SGCG: variants seen among roughly 807,000 people sequenced by gnomAD.
The protein encoded by SGCG is gamma-sarcoglycan.
A neutral mutation model predicts 29.3 loss-of-function variants in SGCG; 26 were observed. That is an observed-to-expected ratio of 0.89 (90% CI 0.65 to 1.23). The LOEUF (loss-of-function observed/expected upper bound fraction) is 1.23, where lower values mean the gene tolerates loss of function less well. Among genes scored for constraint, SGCG ranks in the 50% most tolerant of loss-of-function variants. SGCG has a pLI of 0.00. For synonymous variants in SGCG, 145 were observed against 129.7 expected (o/e 1.12, Z -0.80); for missense variants, 353 against 356.0 (o/e 0.99, Z 0.07).
At chr13:23,218,310 T>C (rs115653120) in intron 2 of SGCG, among the ~76,000 whole-genome samples, 3,278 of 152,288 alleles carry the variant, frequency 0.022, 114 homozygotes, top group African/African-American at 0.074. Flanking sequence ...GGAAGATATA[T>C]GTAAGTTCTT....
chr13:23,205,214 A>G (rs1428104148), intron 2 of SGCG, among the ~76,000 whole-genome samples: 1 of 152,234 alleles, frequency 6.6e-6, no homozygotes, highest in Non-Finnish European at 1.5e-5. Context: ...CCACTGGACA[A>G]TGTTACTTCA....
At chr13:23,199,730 C>T (rs369008533) in intron 1 of SGCG, among the ~76,000 whole-genome samples, 4 of 146,802 alleles carry the variant, frequency 2.7e-5, no homozygotes, top group African/African-American at 9.9e-5. Context: ...AAAAGAATTA[C>T]AGCTGGCAAA....
intron 2 of SGCG, among the ~76,000 whole-genome samples, chr13:23,223,012 C>T (rs1878731291): frequency 6.6e-6 from 1 of 152,090 alleles, no homozygotes; most frequent in Non-Finnish European, 1.5e-5. Flanking sequence ...GGCACAGTGG[C>T]TCACGCCTGT....
intron 5 of SGCG, among the ~76,000 whole-genome samples, chr13:23,292,944 A>T (rs1230561709): frequency 2.6e-5 from 4 of 152,210 alleles, no homozygotes; most frequent in Non-Finnish European, 5.9e-5. Context: ...CAGAAGAAGC[A>T]AGGAGGAAAG....
chr13:23,162,213 T>C, the SGCG span, among the ~76,000 whole-genome samples: 1 of 152,256 alleles, frequency 6.6e-6, no homozygotes, highest in South Asian at 2.1e-4. Flanking sequence ...TATTTAAATA[T>C]GTATACACAT....
At chr13:23,161,932 T>C in the SGCG span, among the ~76,000 whole-genome samples, 1 of 152,264 alleles carries the variant, frequency 6.6e-6, no homozygotes, top group Non-Finnish European at 1.5e-5. Context: ...TGGCCTCACA[T>C]GTGCCACGAC....
At chr13:23,186,398 G>A (rs891293537) in intron 1 of SGCG, among the ~76,000 whole-genome samples, 2 of 152,178 alleles carry the variant, frequency 1.3e-5, no homozygotes, top group African/African-American at 2.4e-5. Context: ...GAGGTGAAGC[G>A]ATTGCAGCAG....
intron 6 of SGCG, among the ~76,000 whole-genome samples, chr13:23,297,991 C>T (rs1009180444): frequency 5.9e-5 from 9 of 151,820 alleles, no homozygotes; most frequent in African/African-American, 1.7e-4. Context: ...GTGATCTGCT[C>T]ACCTTGGCCT....
chr13:23,310,836 C>T (rs954959065), intron 6 of SGCG, among the ~76,000 whole-genome samples: 1 of 152,128 alleles, frequency 6.6e-6, no homozygotes, highest in African/African-American at 2.4e-5. Context: ...ATCAATACCA[C>T]CTTCTTCCCA....
intron 1 of SGCG, among the ~76,000 whole-genome samples, chr13:23,199,039 C>G (rs1193664577): frequency 6.8e-6 from 1 of 147,522 alleles, no homozygotes; most frequent in Non-Finnish European, 1.5e-5. Flanking sequence ...ACCTGGAAAG[C>G]AGAGGTTGCA....
chr13:23,268,505 T>TA (rs951640726), intron 4 of SGCG: 1 of 152,696 alleles, frequency 6.5e-6, no homozygotes, highest in African/African-American at 2.4e-5. Context: ...AGAATATGGA[T>TA]AACTAAATGC....
Position 23,299,431 on chromosome 13 carries a change from TATATATATATATATATATATA to T in SGCG, c.578+3945_578+3965del, listed in dbSNP as rs1342437026. On this transcript the variant is annotated intron_variant, in intron 6 of 7. Transcript: ENST00000218867. ...GCATATATATATATATATATATATA[TATATATATATATATATATATA>T]TATATTTTTTTTTTTTTTTTAGTCG... 2.2e-3 allele frequency among the ~76,000 whole-genome samples: 35 copies of T among 15,798 alleles called. 2 individuals are homozygous for T. The highest frequency in any genetic ancestry group is 3.3e-3 in the African/African-American group (20 of 6,016). The allele number at this position is 15,798 out of a possible 152,430, so 10.4% of individuals were successfully genotyped here. A position where few individuals can be genotyped will look rare whatever the true frequency, so the allele number is the denominator to read the frequency against.
chr13:23,257,860 T>C (rs981388532), intron 4 of SGCG, among the ~76,000 whole-genome samples: 2 of 152,204 alleles, frequency 1.3e-5, no homozygotes, highest in South Asian at 4.1e-4. Context: ...TGGTTGTAGA[T>C]AAGCGGCGTT....
intron 6 of SGCG, among the ~76,000 whole-genome samples, chr13:23,320,050 A>C (rs1882976682): frequency 6.6e-6 from 1 of 152,226 alleles, no homozygotes; most frequent in African/African-American, 2.4e-5. Flanking sequence ...TTTAAATAAT[A>C]ATAAAGAAAA....
intron 5 of SGCG, 34 bp from the exon 6 acceptor site, chr13:23,295,381 T>C: frequency 1.3e-6 from 2 of 1,492,386 alleles, no homozygotes; most frequent in East Asian, 2.3e-5. Flanking sequence ...CTTATTTTAC[T>C]TCTGCTCCTG....
intron 4 of SGCG, among the ~76,000 whole-genome samples, chr13:23,266,543 A>T (rs1282153130): frequency 2.0e-5 from 3 of 152,076 alleles, no homozygotes; most frequent in African/African-American, 4.8e-5. Context: ...GGAGGCTCAG[A>T]AGAGGGGAAA....
At chr13:23,165,767 T>G in the SGCG span, among the ~76,000 whole-genome samples, 1 of 152,164 alleles carries the variant, frequency 6.6e-6, no homozygotes, top group African/African-American at 2.4e-5. Flanking sequence ...CCTCAGGTGA[T>G]CCACCTGCCT....
chr13:23,191,704 T>G (rs1206108976), intron 1 of SGCG, among the ~76,000 whole-genome samples: 4 of 152,314 alleles, frequency 2.6e-5, no homozygotes, highest in African/African-American at 9.6e-5. Context: ...CTAGTAGATT[T>G]GAAAAGCAAA....
intron 6 of SGCG, among the ~76,000 whole-genome samples, chr13:23,318,494 T>C (rs1052675473): frequency 6.6e-6 from 1 of 150,978 alleles, no homozygotes; most frequent in African/African-American, 2.4e-5. Flanking sequence ...CACACACACA[T>C]AAGCATTTGG....
Sources: gnomAD v4.1 joint callset for allele counts (sites outside exome capture counted in the v4.1 genomes callset) on GRCh38, gnomAD v4.1.1 for gene constraint, MANE v1.5 for transcripts, NCBI Gene and HGNC (gene_info 2026-07-23, HGNC 2026-07-21) for gene names.